RELN: variants seen among roughly 807,000 people sequenced by gnomAD.
The protein encoded by RELN is reelin.
RELN carries 108 observed loss-of-function variants against 427.6 expected under a neutral mutation model. The ratio of observed to expected loss-of-function variants is 0.25; its 90% confidence interval spans 0.22 to 0.30. The LOEUF (loss-of-function observed/expected upper bound fraction) is 0.30. Among genes scored for constraint, RELN ranks in the 10% least tolerant of loss-of-function variants. The pLI, the probability that RELN is intolerant of heterozygous loss-of-function variation, is 1.00. For missense variants in RELN, 3,715 were observed against 4,302.8 expected (o/e 0.86, Z 3.82); for synonymous variants, 1,524 against 1,513.4 (o/e 1.01, Z -0.16).
intron 31 of RELN, among the ~76,000 whole-genome samples, chr7:103,567,168 C>T (rs362727): frequency 0.25 from 38,205 of 152,136 alleles, 4,981 homozygotes; most frequent in Middle Eastern, 0.33. Context: ...TTGCTGCTGA[C>T]GCACTAGGCA....
intron 20 of RELN, among the ~76,000 whole-genome samples, chr7:103,629,569 C>G (rs1832405352): frequency 6.6e-6 from 1 of 151,974 alleles, no homozygotes; most frequent in Admixed American, 6.6e-5. Flanking sequence ...TCATTATAAA[C>G]CCCATGGGCC....
chr7:103,519,586 ATTTTT>A, intron 48 of RELN, 70 bp from the exon 49 acceptor site: 1 of 988,808 alleles, frequency 1.0e-6, no homozygotes, highest in Non-Finnish European at 1.5e-6. Flanking sequence ...TTTTCTATGG[ATTTTT>A]TTTTTTTTTG....
intron 1 of RELN, among the ~76,000 whole-genome samples, chr7:103,981,022 G>T (rs11766854): frequency 0.05 from 7,605 of 152,224 alleles, 263 homozygotes; most frequent in Middle Eastern, 0.11. Context: ...CACAACAAAG[G>T]TGACCCAAAC....
intron 10 of RELN, among the ~76,000 whole-genome samples, chr7:103,692,217 C>G (rs536253079): frequency 6.6e-6 from 1 of 152,204 alleles, no homozygotes; most frequent in East Asian, 1.9e-4. Context: ...AAGGAGCCCT[C>G]AGCACAAAAA....
At chr7:103,844,806 T>C (rs1793635255) in intron 2 of RELN, among the ~76,000 whole-genome samples, 1 of 152,232 alleles carries the variant, frequency 6.6e-6, no homozygotes, top group Non-Finnish European at 1.5e-5. Context: ...TAGGATAATG[T>C]TCATTAAATG....
At chr7:103,911,318 C>A (rs1405165803) in intron 2 of RELN, among the ~76,000 whole-genome samples, 8 of 150,674 alleles carry the variant, frequency 5.3e-5, no homozygotes. Flanking sequence ...CATCTCACAC[C>A]AGTGAGAATG....
intron 1 of RELN, among the ~76,000 whole-genome samples, chr7:103,958,112 A>G (rs1796473008): frequency 6.6e-6 from 1 of 152,220 alleles, no homozygotes; most frequent in Admixed American, 6.5e-5. Flanking sequence ...TCATACAAGG[A>G]TTAACTAAAG....
intron 2 of RELN, among the ~76,000 whole-genome samples, chr7:103,907,720 C>T (rs909620676): frequency 3.2e-4 from 49 of 151,450 alleles, no homozygotes; most frequent in Admixed American, 4.6e-4. Context: ...TAAATTATAG[C>T]TTTAAAAGAA....
chr7:103,897,431 G>C (rs982699651), intron 2 of RELN, among the ~76,000 whole-genome samples: 1 of 151,942 alleles, frequency 6.6e-6, no homozygotes, highest in Non-Finnish European at 1.5e-5. Flanking sequence ...TGCTTACCTG[G>C]TGTGTGCTCA....
intron 3 of RELN, among the ~76,000 whole-genome samples, chr7:103,806,206 A>G (rs1320054125): frequency 6.6e-6 from 1 of 152,248 alleles, no homozygotes; most frequent in Non-Finnish European, 1.5e-5. Flanking sequence ...GCTAAACACC[A>G]GATGACTGTT....
intron 2 of RELN, among the ~76,000 whole-genome samples, chr7:103,909,455 T>C (rs1795289955): frequency 6.6e-6 from 1 of 150,644 alleles, no homozygotes; most frequent in African/African-American, 2.4e-5. Flanking sequence ...ATATAAGATT[T>C]ACTAAAGTTT....
chr7:103,805,757 G>C (rs1792583362), intron 3 of RELN, among the ~76,000 whole-genome samples: 1 of 152,180 alleles, frequency 6.6e-6, no homozygotes, highest in African/African-American at 2.4e-5. Context: ...TTAAAATGAA[G>C]TATAAGCCAA....
At chr7:103,784,920 T>A (rs1409030117) in intron 3 of RELN, among the ~76,000 whole-genome samples, 1 of 152,170 alleles carries the variant, frequency 6.6e-6, no homozygotes, top group African/African-American at 2.4e-5. Flanking sequence ...GATTAATGTA[T>A]GTTACACTTG....
chr7:103,475,323 A>C (rs929687819), intron 64 of RELN, among the ~76,000 whole-genome samples: 1 of 151,952 alleles, frequency 6.6e-6, no homozygotes, highest in African/African-American at 2.4e-5. Context: ...TATGGGGGCC[A>C]GTCCCCCAAC....
intron 6 of RELN, among the ~76,000 whole-genome samples, chr7:103,740,659 A>C (rs1790621455): frequency 6.6e-6 from 1 of 152,196 alleles, no homozygotes; most frequent in Non-Finnish European, 1.5e-5. Context: ...GATAAACTTG[A>C]ATATTAAAGA....
chr7:103,658,139 A>G (rs1385769081), intron 12 of RELN, among the ~76,000 whole-genome samples: 1 of 152,156 alleles, frequency 6.6e-6, no homozygotes, highest in Non-Finnish European at 1.5e-5. Flanking sequence ...TTCTAAGAAC[A>G]GTGCTCTGTA....
intron 16 of RELN, among the ~76,000 whole-genome samples, chr7:103,645,925 T>C (rs1411382366): frequency 6.6e-5 from 10 of 151,782 alleles, no homozygotes; most frequent in African/African-American, 1.7e-4. Context: ...CAAAATCATA[T>C]CAAATACCTT....
At chr7:103,949,918 C>A (rs1455916532) in intron 1 of RELN, among the ~76,000 whole-genome samples, 1 of 152,164 alleles carries the variant, frequency 6.6e-6, no homozygotes, top group African/African-American at 2.4e-5. Context: ...CCAAAGAAAG[C>A]AATTTACATC....
At chr7:103,481,479 C>A (rs370681983) in intron 63 of RELN, among the ~76,000 whole-genome samples, 1 of 152,140 alleles carries the variant, frequency 6.6e-6, no homozygotes. Flanking sequence ...ATTTTATTAT[C>A]TACCAGTTTA....
Sources: gnomAD v4.1 joint callset for allele counts (sites outside exome capture counted in the v4.1 genomes callset) on GRCh38, gnomAD v4.1.1 for gene constraint, MANE v1.5 for transcripts, NCBI Gene and HGNC (gene_info 2026-07-23, HGNC 2026-07-21) for gene names.